SH2D3C: variants seen among roughly 807,000 people sequenced by gnomAD.
SH2D3C encodes SH2 domain-containing protein 3C.
In SH2D3C, 25 loss-of-function variants were observed where a neutral mutation model predicts 75.2. The ratio of observed to expected loss-of-function variants is 0.33; its 90% CI spans 0.24 to 0.46. The LOEUF (loss-of-function observed/expected upper bound fraction) is 0.46, where lower values mean the gene tolerates loss of function less well. SH2D3C is among the 20% of genes least tolerant of loss of function. SH2D3C has a pLI of 1.00. For synonymous variants in SH2D3C, 450 were observed against 473.7 expected, an observed-to-expected ratio of 0.95 and a Z score of 0.65; for missense variants, 933 against 1,165.3, an observed-to-expected ratio of 0.80 and a Z score of 2.90.
chr9:127,755,064 G>C, intron 3 of SH2D3C: 1 of 1,183,308 alleles, frequency 8.5e-7, no homozygotes, highest in Admixed American at 4.5e-5. Flanking sequence ...GGCGGGGGCC[G>C]AGCCGCCCCC....
At chr9:127,743,357 G>A (rs1844923590) in intron 7 of SH2D3C, among the ~76,000 whole-genome samples, 1 of 152,168 alleles carries the variant, frequency 6.6e-6, no homozygotes, top group South Asian at 2.1e-4. Flanking sequence ...TCAAAAATCA[G>A]CCGGGTATAG....
In SH2D3C at chr9:127,747,282, G is replaced by A; in HGVS notation, c.1140-11C>T. 1 of 1,610,466 alleles carries A rather than the reference G, an allele frequency of 6.2e-7. No homozygotes were observed. Among genetic ancestry groups the A allele is most frequent in the Non-Finnish European group, 8.5e-7 (1 of 1,179,462 alleles). On this transcript the variant is annotated splice_polypyrimidine_tract_variant and intron_variant, in intron 5 of 11. Coordinates refer to ENST00000314830, the MANE Select transcript of SH2D3C (RefSeq NM_170600.3). ...CGGGGCAGCGACGTACTGTGGAGCA[G>A]ACACCATCATGGGCAGGGAGCCCGG...
Position 127,749,586 on chromosome 9 carries a change from G to A in SH2D3C, c.764C>T (p.Thr255Met). ...SLTSLGDYVL[T>M]CRWRNQALHF... ...CAAGGCCTGGTTGCGCCAGCGGCAC[G>A]TGAGCACATAGTCGCCCAGGCTGGT... Residue 255 changes from threonine to methionine, a missense_variant, in exon 5 of 12, where the codon ACG (threonine) becomes ATG (methionine). Coordinates refer to ENST00000314830, the MANE Select transcript of SH2D3C (RefSeq NM_170600.3). This position sits in a 1 kb window ranked among gnomAD's most constrained non-coding sequence, Gnocchi z 5.9. 3.7e-6 allele frequency: 6 copies of A among 1,607,376 alleles called. No homozygotes were observed. Among genetic ancestry groups the A allele is most frequent in the Non-Finnish European group, 4.2e-6 (5 of 1,176,996 alleles).
chr9:127,744,452 C>A (rs532935050), intron 7 of SH2D3C, 112 bp downstream of exon 7: 4 of 1,339,912 alleles, frequency 3.0e-6, no homozygotes, highest in Non-Finnish European at 4.1e-6. Context: ...AGCCATGGAG[C>A]TAGAATCCAG....
chr9:127,745,596 C>T (rs1346516916), intron 6 of SH2D3C, among the ~76,000 whole-genome samples: 7 of 151,188 alleles, frequency 4.6e-5, no homozygotes, highest in African/African-American at 1.2e-4. Flanking sequence ...CTCAGCCTCC[C>T]GAGTAGCTGG....
Position 127,739,008 on chromosome 9 carries a change from C to A in SH2D3C, c.2408-87G>T. The stretch of plus-strand genomic sequence containing the variant: ...TCTTCAGGACCCCCCTGTTAGGGAC[C>A]TCCCCTCAACTCCGCCAGGGATCCA... On this transcript the variant is annotated intron_variant, in intron 11 of 11. Transcript: ENST00000314830. This position sits in a 1 kb window ranked among gnomAD's most constrained non-coding sequence, Gnocchi z 4.3. 8.3e-7 allele frequency: 1 copy of A among 1,205,906 alleles called. No homozygotes were observed. The highest frequency in any genetic ancestry group is 3.4e-5 in the Admixed American group (1 of 29,326). 74.7% of individuals were successfully genotyped at this position (1,205,906 alleles called of 1,614,324 possible).
chr9:127,757,636 G>GATTATTATTATTATTATT (rs59274690), intron 3 of SH2D3C, among the ~76,000 whole-genome samples: 2 of 88,254 alleles, frequency 2.3e-5, no homozygotes, highest in East Asian at 4.4e-4. Context: ...TGATGATGAT[G>GATTATTATTATTATTATT]ATGATGATGA....
rs1221802129 is a variant in SH2D3C at position 127,749,172 on chromosome 9, T to C, written c.1139+39A>G. On this transcript the variant is annotated intron_variant, in intron 5 of 11. Transcript: ENST00000314830. The surrounding 1 kb of genome is among the most constrained non-coding windows in gnomAD (Gnocchi z 5.9). Reference sequence around the variant, plus strand: ...TTCTCTTTCTCACTAGCCCTCTCATTACCCACAACCCCATTTGACAAATGG... The same window carrying C: ...TTCTCTTTCTCACTAGCCCTCTCATCACCCACAACCCCATTTGACAAATGG... The C allele has an allele frequency of 7.0e-7, 1 of 1,435,066 alleles. No individual in the cohort carries two copies. Among genetic ancestry groups the C allele is most frequent in the South Asian group, 1.3e-5 (1 of 76,428 alleles). 88.9% of individuals were successfully genotyped at this position (1,435,066 alleles called of 1,614,324 possible).
At chr9:127,765,987 T>A (rs1411049722) in intron 2 of SH2D3C, among the ~76,000 whole-genome samples, 1 of 152,226 alleles carries the variant, frequency 6.6e-6, no homozygotes, top group African/African-American at 2.4e-5. Context: ...TACCACTTAT[T>A]GCATACATTA....
rs758000416 is a variant in SH2D3C, at chr9:127,749,266, T to C, written c.1084A>G (p.Met362Val). The stretch of plus-strand genomic sequence containing the variant: ...TTGTCAGCAGTGAGCCCATCGGTCA[T>C]GGTGACGCTGCGCCGCTTCATGTGG... ...GSHMKRRSVT[M>V]TDGLTADKVT... The change falls in exon 5 of 12, where the codon ATG (methionine) becomes GTG (valine). Residue 362 changes from methionine to valine, a missense_variant. Transcript: ENST00000314830. The surrounding 1 kb of genome is among the most constrained non-coding windows in gnomAD (Gnocchi z 5.9). 8.1e-6 allele frequency: 13 copies of C among 1,600,322 alleles called. No homozygotes were observed. The African/African-American group carries it at 1.1e-4, about 13-fold the overall frequency.
At chr9:127,752,948 A>T (rs1845241807) in intron 3 of SH2D3C, among the ~76,000 whole-genome samples, 1 of 152,160 alleles carries the variant, frequency 6.6e-6, no homozygotes, top group South Asian at 2.1e-4. Context: ...TGGGTGAGCC[A>T]AGCAAAAGCA....
At chr9:127,761,006 A>C (rs1845512569) in intron 3 of SH2D3C, among the ~76,000 whole-genome samples, 1 of 151,924 alleles carries the variant, frequency 6.6e-6, no homozygotes, top group South Asian at 2.1e-4. Flanking sequence ...CTTCTGGCTA[A>C]TTTTTTGTAT....
chr9:127,747,309 G>A lies in SH2D3C; in HGVS notation c.1140-38C>T, dbSNP rs376610971. ...CACCATCATGGGCAGGGAGCCCGGA[G>A]GTCAGGGGCCTCAGCCTGCCTCTGG... On this transcript the variant is annotated intron_variant, in intron 5 of 11. Transcript: ENST00000314830. 78 of 1,592,752 alleles carry A rather than the reference G, an allele frequency of 4.9e-5. 1 individual carries two copies. Among genetic ancestry groups the A allele is most frequent in the South Asian group, 1.1e-5 (1 of 89,338 alleles).
At chr9:127,766,653 T>C (rs1845640852) in intron 2 of SH2D3C, among the ~76,000 whole-genome samples, 1 of 152,228 alleles carries the variant, frequency 6.6e-6, no homozygotes, top group Non-Finnish European at 1.5e-5. Flanking sequence ...CACTGCAACC[T>C]CTGCCTCCCG....
chr9:127,771,376 C>A (rs917031833), intron 2 of SH2D3C: 14 of 1,337,932 alleles, frequency 1.0e-5, no homozygotes, highest in Middle Eastern at 2.8e-4. Flanking sequence ...CACGCCCCTG[C>A]GCTCCTTGCC....
intron 3 of SH2D3C, among the ~76,000 whole-genome samples, chr9:127,753,613 TTCTCCAAGGGG>T (rs1449163364): frequency 3.3e-5 from 5 of 152,182 alleles, no homozygotes; most frequent in Non-Finnish European, 7.4e-5. Flanking sequence ...ACACCTACAC[TTCTCCAAGGGG>T]TCCCCTACTT....
In SH2D3C at chr9:127,738,558, G is replaced by T; in HGVS notation, c.*188C>A. On this transcript the variant is annotated 3_prime_UTR_variant, in exon 12 of 12. Transcript: ENST00000314830. This position sits in a 1 kb window ranked among gnomAD's most constrained non-coding sequence, Gnocchi z 5.0. The stretch of plus-strand genomic sequence containing the variant: ...CCTGTTCTTCCTCAATGGAGACCTG[G>T]TGAGCATGTAGCAGGTGGGATGGAA... The T allele has an allele frequency of 2.0e-6, 1 of 494,310 alleles. No homozygotes were observed. The highest frequency in any genetic ancestry group is 3.4e-6 in the Non-Finnish European group (1 of 291,720). The allele number at this position is 494,310 out of a possible 1,614,324, so 30.6% of individuals were successfully genotyped here. A position where few individuals can be genotyped will look rare whatever the true frequency, so the allele number is the denominator to read the frequency against.
chr9:127,750,133 G>T (rs1290489543), intron 4 of SH2D3C, among the ~76,000 whole-genome samples: 1 of 151,254 alleles, frequency 6.6e-6, no homozygotes, highest in African/African-American at 2.4e-5. Flanking sequence ...TCCATCTGAT[G>T]AACTTCTTTA....
chr9:127,740,341 G>T lies in SH2D3C; in HGVS notation c.2117C>A (p.Thr706Asn). Residue 706 changes from threonine to asparagine, a missense_variant, in exon 10 of 12, where the codon ACC (threonine) becomes AAC (asparagine). Physicochemically the swap from Thr to Asn is moderately conservative, Grantham distance 65 (BLOSUM62 0). Coordinates refer to ENST00000314830, the MANE Select transcript of SH2D3C (RefSeq NM_170600.3). ...QISRLEQTWV[T>N]LRQRHTEGAI... Reference sequence around the variant, plus strand: ...ACCCTCTGTGTGTCGCTGCCGCAGGGTCACCCATGTCTGCTCCAGCCGAGA... The same window carrying T: ...ACCCTCTGTGTGTCGCTGCCGCAGGTTCACCCATGTCTGCTCCAGCCGAGA... 6.2e-7 allele frequency: 1 copy of T among 1,614,118 alleles called. No homozygotes were observed. Among genetic ancestry groups the T allele is most frequent in the Non-Finnish European group, 8.5e-7 (1 of 1,180,010 alleles).
Sources: allele counts gnomAD v4.1 joint callset (sites outside exome capture counted in the v4.1 genomes callset), GRCh38; gene constraint gnomAD v4.1.1; non-coding constraint Gnocchi (gnomAD v3.1); transcripts MANE v1.5; gene names NCBI Gene and HGNC (gene_info 2026-07-23, HGNC 2026-07-21).